MAP3K13: variants seen among roughly 807,000 people sequenced by gnomAD.
The protein encoded by MAP3K13 is leucine zipper-bearing kinase.
Under a neutral mutation model 104.0 loss-of-function variants are expected in MAP3K13, and 52 were observed. That is an observed-to-expected ratio of 0.50 (90% CI 0.40 to 0.63). The LOEUF is 0.63. Ranked by LOEUF, MAP3K13 falls within the 20% of genes least tolerant of loss-of-function variation. The pLI is 0.00. For missense variants in MAP3K13, 914 were observed against 1,218.5 expected (o/e 0.75, Z 3.72); for synonymous variants, 394 against 442.2 (o/e 0.89, Z 1.37).
intron 2 of MAP3K13, among the ~76,000 whole-genome samples, chr3:185,342,269 T>A (rs1184480308): frequency 6.6e-6 from 1 of 152,188 alleles, no homozygotes; most frequent in Non-Finnish European, 1.5e-5. Flanking sequence ...TGTTAGTTGC[T>A]TTGAGTTGTT....
At chr3:185,428,426 T>C (rs1211093351) in intron 1 of MAP3K13, 71 bp from the exon 2 acceptor site, 4 of 996,210 alleles carry the variant, frequency 4.0e-6, no homozygotes, top group East Asian at 2.8e-5. Flanking sequence ...TTTTTTTTAA[T>C]GCAAACAGAA....
chr3:185,473,598 A>C lies in MAP3K13; in HGVS notation c.2267A>C (p.Asp756Ala), dbSNP rs147329920. ...PSAEPVGRSP[D>A]LSKSPAHNPL... ...GCTGAGCCAGTGGGGAGGAGCCCTG[A>C]CCTTTCCAAGTCACCAGCACATAAT... The change falls in exon 11 of 14, where the codon GAC (aspartate) becomes GCC (alanine). Residue 756 changes from aspartate to alanine, a missense_variant. Around this residue, in one of 3 missense-constraint regions of MAP3K13, gnomAD observed 583 missense variants for 737.4 expected, o/e 0.79. Transcript: ENST00000265026. This position sits in a 1 kb window ranked among gnomAD's most constrained non-coding sequence, Gnocchi z 4.9. 5 of 1,614,056 alleles carry C rather than the reference A, an allele frequency of 3.1e-6. No individual in the cohort carries two copies. Among genetic ancestry groups the C allele is most frequent in the Non-Finnish European group, 4.2e-6 (5 of 1,180,046 alleles).
At chr3:185,419,007 T>C (rs116418136) in intron 1 of MAP3K13, among the ~76,000 whole-genome samples, 2,264 of 152,252 alleles carry the variant, frequency 0.015, 58 homozygotes, top group African/African-American at 0.051. Context: ...ATTTTCATTT[T>C]GAATTTATAA....
intron 1 of MAP3K13, among the ~76,000 whole-genome samples, chr3:185,405,885 G>A (rs574182176): frequency 1.1e-4 from 16 of 152,332 alleles, no homozygotes; most frequent in African/African-American, 3.6e-4. Context: ...CGTGATGTCT[G>A]GCACATGCTC....
At chr3:185,380,903 A>C (rs1221580612) in intron 1 of MAP3K13, among the ~76,000 whole-genome samples, 1 of 150,962 alleles carries the variant, frequency 6.6e-6, no homozygotes, top group African/African-American at 2.4e-5. Flanking sequence ...TAAATTTCCC[A>C]GTAGCTCCTA....
chr3:185,295,495 G>A (rs922879255), intron 2 of MAP3K13, among the ~76,000 whole-genome samples: 23 of 152,310 alleles, frequency 1.5e-4, no homozygotes, highest in African/African-American at 4.6e-4. Context: ...AAGCCACAGC[G>A]CCCAGCCTTC....
At chr3:185,297,871 CTACTCTCT>C (rs1167354982) in intron 2 of MAP3K13, among the ~76,000 whole-genome samples, 3 of 150,358 alleles carry the variant, frequency 2.0e-5, no homozygotes, top group Non-Finnish European at 4.4e-5. Context: ...AAAATAAGAG[CTACTCTCT>C]CTCTCTCTCT....
intron 10 of MAP3K13, among the ~76,000 whole-genome samples, chr3:185,467,500 C>T (rs1239781958): frequency 1.3e-5 from 2 of 151,906 alleles, no homozygotes; most frequent in Non-Finnish European, 2.9e-5. Flanking sequence ...TAAAGAAATA[C>T]CTGACTGGGT....
chr3:185,428,727 AG>A lies in MAP3K13; in HGVS notation c.150del (p.Met51TrpfsTer6). On this transcript the variant is annotated frameshift_variant, in exon 2 of 14. Transcript: ENST00000265026. LOFTEE classifies it high-confidence loss of function. ...SPKLLEDQQE[K>X]GMVRTELIES... ...AAGCTGCTCGAGGACCAGCAGGAAA[AG>A]GGGATGGTACGAACAGAGCTAATCG... 1.9e-6 allele frequency: 3 copies of A among 1,614,188 alleles called. No individual in the cohort carries two copies. The highest frequency in any genetic ancestry group is 2.5e-6 in the Non-Finnish European group (3 of 1,180,026).
chr3:185,362,525 T>C (rs1289139562), upstream of MAP3K13, among the ~76,000 whole-genome samples: 3 of 152,206 alleles, frequency 2.0e-5, no homozygotes, highest in African/African-American at 7.2e-5. Context: ...TGATACATCA[T>C]GAAGGTCAGC....
chr3:185,342,054 C>A (rs1321671535), intron 2 of MAP3K13, among the ~76,000 whole-genome samples: 2 of 152,178 alleles, frequency 1.3e-5, no homozygotes, highest in Non-Finnish European at 2.9e-5. Context: ...GATGTCCCTG[C>A]AGAAAGGCCC....
chr3:185,469,039 C>T (rs1456433770), intron 10 of MAP3K13, among the ~76,000 whole-genome samples: 2 of 152,176 alleles, frequency 1.3e-5, no homozygotes, highest in Non-Finnish European at 2.9e-5. Flanking sequence ...TAGCTGAACA[C>T]GAGGAAGGCA....
At chr3:185,442,312 G>A (rs1715372309) in intron 3 of MAP3K13, among the ~76,000 whole-genome samples, 1 of 150,030 alleles carries the variant, frequency 6.7e-6, no homozygotes, top group South Asian at 2.1e-4. Context: ...CACATTACCT[G>A]TCTGACATGA....
In MAP3K13 at chr3:185,411,910, G is replaced by A. The variant is rs1163801985; in HGVS notation, c.-85-16587G>A. 2.0e-5 allele frequency among the ~76,000 whole-genome samples: 3 copies of A among 150,710 alleles called. No homozygotes were observed. In the South Asian group the frequency reaches 6.3e-4, roughly 32 times the overall value. On this transcript the variant is annotated intron_variant, in intron 1 of 13. Coordinates refer to ENST00000265026, the MANE Select transcript of MAP3K13 (RefSeq NM_004721.5). ...AGTGATTCTCCTGCCTCAGCCTCCCGAGTAGCTGGGACTACAGGTGTGTAC... is the reference window on the plus strand; with the variant it reads ...AGTGATTCTCCTGCCTCAGCCTCCCAAGTAGCTGGGACTACAGGTGTGTAC...
At chr3:185,381,819 T>C (rs1724734657) in intron 1 of MAP3K13, among the ~76,000 whole-genome samples, 1 of 152,182 alleles carries the variant, frequency 6.6e-6, no homozygotes, top group Non-Finnish European at 1.5e-5. Flanking sequence ...GAAGCACACA[T>C]AAAACAAGGT....
intron 10 of MAP3K13, among the ~76,000 whole-genome samples, chr3:185,470,544 CTG>C (rs1346080248): frequency 2.0e-5 from 3 of 152,194 alleles, no homozygotes; most frequent in African/African-American, 7.2e-5. Context: ...CTGCTGAGCT[CTG>C]TCTTTCCTCC....
At chr3:185,328,039 T>C (rs1436158131) in intron 2 of MAP3K13, among the ~76,000 whole-genome samples, 1 of 151,782 alleles carries the variant, frequency 6.6e-6, no homozygotes, top group East Asian at 1.9e-4. Context: ...AGAAATATGG[T>C]AGCTCAGAAG....
chr3:185,290,233 T>TA (rs1224475108), intron 2 of MAP3K13, among the ~76,000 whole-genome samples: 1 of 152,134 alleles, frequency 6.6e-6, no homozygotes, highest in South Asian at 2.1e-4. Context: ...GAAAAAACTT[T>TA]AAAAAAATTA....
intron 7 of MAP3K13, among the ~76,000 whole-genome samples, chr3:185,454,576 T>TATATACAC (rs1716199869): frequency 8.8e-6 from 1 of 114,172 alleles, no homozygotes; most frequent in African/African-American, 3.5e-5. Context: ...ATATATATGA[T>TATATACAC]ATATATATGA....
Sources: allele counts gnomAD v4.1 joint callset (sites outside exome capture counted in the v4.1 genomes callset), GRCh38; gene constraint gnomAD v4.1.1; regional missense constraint gnomAD v4.1.1; non-coding constraint Gnocchi (gnomAD v3.1); transcripts MANE v1.5; gene names NCBI Gene and HGNC (gene_info 2026-07-23, HGNC 2026-07-21).